The following VCF2 variants were observed in gnomAD, a reference collection of about 807,000 sequenced individuals.
The protein encoded by VCF2 is protein VCF2.
At chrX:55,152,827 C>A in the VCF2 span, among the ~76,000 whole-genome samples, 1 of 111,524 alleles carries the variant, frequency 9.0e-6, no homozygotes, top group Non-Finnish European at 1.9e-5. Flanking sequence ...TGAATTTTAC[C>A]CTGGCAATGT....
At chrX:55,143,968 C>G in the VCF2 span, 6 of 513,500 alleles carry the variant, frequency 1.2e-5, no homozygotes, top group Non-Finnish European at 1.9e-5. Context: ...TTACTTAGTT[C>G]AACTAAGTAC....
At chrX:55,155,021 A>G in the VCF2 span, among the ~76,000 whole-genome samples, 15 of 111,998 alleles carry the variant, frequency 1.3e-4, no homozygotes, top group Admixed American at 1.3e-3. Flanking sequence ...CTTAAAATGA[A>G]ATGCATCTGA....
At chrX:55,155,114 G>C in the VCF2 span, among the ~76,000 whole-genome samples, 4 of 112,106 alleles carry the variant, frequency 3.6e-5, no homozygotes, top group Admixed American at 2.8e-4. Context: ...GCAAGCTGAA[G>C]AAGAGTTCTT....
At chrX:55,149,173 G>A in the VCF2 span, among the ~76,000 whole-genome samples, 2 of 104,776 alleles carry the variant, frequency 1.9e-5, no homozygotes, top group African/African-American at 7.1e-5. Flanking sequence ...TACTGCAGGA[G>A]GTTTTTTTTT....
chrX:55,144,842 T>C, the VCF2 span, among the ~76,000 whole-genome samples: 2 of 112,435 alleles, frequency 1.8e-5, no homozygotes, highest in African/African-American at 3.2e-5. Context: ...GAGGAGAGGA[T>C]TGTTAGACTC....
At chrX:55,143,590 T>C in the VCF2 span, 1 of 318,960 alleles carries the variant, frequency 3.1e-6, no homozygotes, top group Non-Finnish European at 5.6e-6. Context: ...GTTAGGAATG[T>C]TTTAAGCACA....
chrX:55,156,089 C>A, the VCF2 span, among the ~76,000 whole-genome samples: 1 of 109,182 alleles, frequency 9.2e-6, no homozygotes, highest in East Asian at 2.9e-4. Context: ...GTAGCTGGGA[C>A]TACAGGTGCG....
At chrX:55,155,129 A>C in the VCF2 span, among the ~76,000 whole-genome samples, 1 of 112,146 alleles carries the variant, frequency 8.9e-6, no homozygotes, top group Non-Finnish European at 1.9e-5. Context: ...GTTCTTGAGG[A>C]GACAAAGCCA....
At chrX:55,147,655 T>TTTTTTTTTTTG in the VCF2 span, among the ~76,000 whole-genome samples, 2 of 99,508 alleles carry the variant, frequency 2.0e-5, no homozygotes, top group African/African-American at 7.4e-5. Context: ...TTTTTTTTTT[T>TTTTTTTTTTTG]TTTTGTTACA....
the VCF2 span, chrX:55,146,383 T>C: frequency 6.2e-6 from 6 of 967,444 alleles, no homozygotes; most frequent in African/African-American, 3.8e-5. Flanking sequence ...GCTTGGAGAA[T>C]AGCAGCATAA....
the VCF2 span, among the ~76,000 whole-genome samples, chrX:55,150,415 T>C: frequency 5.4e-5 from 6 of 111,238 alleles, no homozygotes; most frequent in African/African-American, 1.6e-4. Flanking sequence ...CAACAGAGTT[T>C]GCGCTCCTAT....
At chrX:55,149,607 TTC>T in the VCF2 span, among the ~76,000 whole-genome samples, 56 of 111,822 alleles carry the variant, frequency 5.0e-4, no homozygotes, top group Non-Finnish European at 5.8e-4. Flanking sequence ...TTAGTTCAGT[TTC>T]TCTATAAATT....
chrX:55,160,916 C>T, the VCF2 span: 205 of 1,160,037 alleles, frequency 1.8e-4, no homozygotes, highest in Non-Finnish European at 2.3e-4. Flanking sequence ...GATTTTTTTT[C>T]AAGCACGAAG....
At chrX:55,144,278 T>C in the VCF2 span, among the ~76,000 whole-genome samples, 1 of 111,367 alleles carries the variant, frequency 9.0e-6, no homozygotes, top group Admixed American at 9.6e-5. Context: ...AAATATCTCA[T>C]CTTCTTTAGT....
chrX:55,158,328 T>G, the VCF2 span, among the ~76,000 whole-genome samples: 24 of 111,883 alleles, frequency 2.1e-4, no homozygotes, highest in Non-Finnish European at 9.4e-5. Flanking sequence ...GAATACAAGT[T>G]ATTAAAGTGA....
chrX:55,147,436 ATTGAT>A, the VCF2 span, among the ~76,000 whole-genome samples: 38 of 111,126 alleles, frequency 3.4e-4, no homozygotes, highest in African/African-American at 1.2e-3. Flanking sequence ...TAGCAATCAA[ATTGAT>A]TTAAGGATTA....
At chrX:55,160,730 G>C in the VCF2 span, 200 of 816,988 alleles carry the variant, frequency 2.4e-4, 1 homozygote, top group Middle Eastern at 2.0e-3. Flanking sequence ...AGAAATACCA[G>C]TTGCTAGGGT....
At chrX:55,159,438 G>A in the VCF2 span, among the ~76,000 whole-genome samples, 2 of 112,311 alleles carry the variant, frequency 1.8e-5, no homozygotes, top group Non-Finnish European at 3.8e-5. Context: ...GTAAAGCCAA[G>A]CTGTGCATTT....
At chrX:55,160,923 G>T in the VCF2 span, 59 of 1,160,512 alleles carry the variant, frequency 5.1e-5, no homozygotes, top group Non-Finnish European at 6.5e-5. Context: ...TTTCAAGCAC[G>T]AAGGGCGGGG....
Sources: gnomAD v4.1 joint callset for allele counts (sites outside exome capture counted in the v4.1 genomes callset) on GRCh38, gnomAD v4.1.1 for gene constraint, MANE v1.5 for transcripts, NCBI Gene and HGNC (gene_info 2026-07-23, HGNC 2026-07-21) for gene names.